TTC28: variants seen among roughly 807,000 people sequenced by gnomAD.
TTC28 encodes tetratricopeptide repeat domain 28.
Under a neutral mutation model 198.0 loss-of-function variants are expected in TTC28, and 61 were observed. The observed-to-expected ratio is 0.31, with a 90% CI of 0.25 to 0.38. The LOEUF is 0.38. TTC28 is among the 10% of genes least tolerant of loss of function. The pLI is 1.00. For synonymous variants in TTC28, 1,171 were observed against 1,297.8 expected (o/e 0.90, Z 2.10); for missense variants, 2,678 against 3,164.0 (o/e 0.85, Z 3.69).
At chr22:28,270,996 C>T (rs1193373495) in intron 5 of TTC28, among the ~76,000 whole-genome samples, 1 of 152,116 alleles carries the variant, frequency 6.6e-6, no homozygotes, top group Non-Finnish European at 1.5e-5. Flanking sequence ...TTTACAAATA[C>T]GTTTATCTCT....
chr22:28,318,177 T>G (rs771007075), intron 2 of TTC28, among the ~76,000 whole-genome samples: 21 of 152,006 alleles, frequency 1.4e-4, no homozygotes, highest in Middle Eastern at 3.4e-3. Context: ...CCCACAGTGC[T>G]GAGATGAGAG....
chr22:27,983,202 T>G lies in TTC28; in HGVS notation c.6465A>C (p.Pro2155=), dbSNP rs1039650020. The part of the protein sequence containing the change: ...STVKSQEESN[P]KLDPQELAQK... ...GGGCTAACTCTTGTGGATCCAGTTT[T>G]GGGTTGCTTTCTTCTTGGGATTTCA... The change falls in exon 23 of 23, where the codon CCA becomes CCC. Residue 2155 remains proline, a synonymous_variant. Coordinates refer to ENST00000397906, the MANE Select transcript of TTC28 (RefSeq NM_001145418.2). The G allele has an allele frequency of 2.6e-6, 4 of 1,551,746 alleles. No individual in the cohort carries two copies. Among genetic ancestry groups the G allele is most frequent in the African/African-American group, 1.4e-5 (1 of 73,058 alleles).
intron 5 of TTC28, among the ~76,000 whole-genome samples, chr22:28,231,133 G>C (rs576015828): frequency 6.6e-6 from 1 of 152,088 alleles, no homozygotes; most frequent in Non-Finnish European, 1.5e-5. Context: ...TATCTAGCAC[G>C]TATAGGTACT....
chr22:28,507,725 T>C (rs1202095627), intron 2 of TTC28, among the ~76,000 whole-genome samples: 2 of 152,168 alleles, frequency 1.3e-5, no homozygotes, highest in Non-Finnish European at 2.9e-5. Flanking sequence ...GTAAACCCTA[T>C]AAGCCAGAAG....
At chr22:28,531,513 T>C (rs1246642104) in intron 2 of TTC28, among the ~76,000 whole-genome samples, 2 of 152,040 alleles carry the variant, frequency 1.3e-5, no homozygotes, top group African/African-American at 4.8e-5. Context: ...GACAGAAAGT[T>C]AAAAAGGACA....
rs550705636 is a variant in TTC28 at position 28,678,825 on chromosome 22, C to A, written c.102+797G>T. Among the ~76,000 whole-genome samples, 323 of 152,276 alleles carry A rather than the reference C, an allele frequency of 2.1e-3. 2 individuals are homozygous for A. The highest frequency in any genetic ancestry group is 7.3e-3 in the African/African-American group (304 of 41,554). On this transcript the variant is annotated intron_variant, in intron 1 of 22. Coordinates refer to ENST00000397906, the MANE Select transcript of TTC28 (RefSeq NM_001145418.2). Reference sequence around the variant, plus strand: ...AAAACCGGCTCCTGCTTGCAGGAAGCCTACTCTCTAAAACAGTGCTTGCCA... The same window carrying A: ...AAAACCGGCTCCTGCTTGCAGGAAGACTACTCTCTAAAACAGTGCTTGCCA...
At chr22:28,149,562 C>T (rs550837111) in intron 6 of TTC28, among the ~76,000 whole-genome samples, 20 of 152,268 alleles carry the variant, frequency 1.3e-4, no homozygotes, top group Admixed American at 1.2e-3. Flanking sequence ...TTGTTAAAAA[C>T]TTAAGACATG....
At chr22:28,380,874 G>A (rs543764559) in intron 2 of TTC28, among the ~76,000 whole-genome samples, 5 of 152,152 alleles carry the variant, frequency 3.3e-5, no homozygotes, top group African/African-American at 1.2e-4. Flanking sequence ...CTTCCACTAT[G>A]TCACTGGAAA....
At chr22:28,403,084 T>C (rs1163862408) in intron 2 of TTC28, among the ~76,000 whole-genome samples, 1 of 152,200 alleles carries the variant, frequency 6.6e-6, no homozygotes, top group Non-Finnish European at 1.5e-5. Flanking sequence ...TGTGCTTTTG[T>C]ATCTCCTTAC....
chr22:28,001,663 GGCCT>G, intron 14 of TTC28, 110 bp from the exon 15 acceptor site: 2 of 1,293,512 alleles, frequency 1.5e-6, no homozygotes, highest in Non-Finnish European at 2.1e-6. Flanking sequence ...GAGCAGGTGA[GGCCT>G]GTGGGGGTGT....
chr22:28,325,933 T>C (rs562739530), intron 2 of TTC28, among the ~76,000 whole-genome samples: 2 of 152,096 alleles, frequency 1.3e-5, no homozygotes, highest in East Asian at 1.9e-4. Context: ...GGCAGTTTCT[T>C]GTAAAGTGAA....
intron 12 of TTC28, among the ~76,000 whole-genome samples, chr22:28,075,421 G>A (rs5997329): frequency 1.1e-3 from 174 of 152,152 alleles, no homozygotes; most frequent in African/African-American, 3.9e-3. Context: ...GAGCCTGAGT[G>A]AGTCACTTCA....
At chr22:28,217,065 G>A (rs1419280346) in intron 5 of TTC28, among the ~76,000 whole-genome samples, 5 of 152,068 alleles carry the variant, frequency 3.3e-5, no homozygotes, top group Non-Finnish European at 5.9e-5. Flanking sequence ...TAGCTTCAGT[G>A]TGGAGAAAAT....
At chr22:28,357,505 C>T (rs902975807) in intron 2 of TTC28, among the ~76,000 whole-genome samples, 3 of 151,770 alleles carry the variant, frequency 2.0e-5, no homozygotes, top group Non-Finnish European at 2.9e-5. Flanking sequence ...GAGACAAGGT[C>T]TCACTATGTT....
intron 2 of TTC28, among the ~76,000 whole-genome samples, chr22:28,482,634 C>T (rs1031601617): frequency 6.6e-6 from 1 of 152,178 alleles, no homozygotes; most frequent in African/African-American, 2.4e-5. Flanking sequence ...AGTTAGTACA[C>T]TGTGCAATGC....
chr22:28,112,578 C>A (rs1366460235), intron 6 of TTC28, among the ~76,000 whole-genome samples: 1 of 152,184 alleles, frequency 6.6e-6, no homozygotes, highest in African/African-American at 2.4e-5. Flanking sequence ...TCTCTACTGT[C>A]CCAGCCACTG....
intron 12 of TTC28, among the ~76,000 whole-genome samples, chr22:28,056,935 T>C (rs1940314818): frequency 6.6e-6 from 1 of 152,200 alleles, no homozygotes; most frequent in Non-Finnish European, 1.5e-5. Context: ...TAACAAAGTA[T>C]TTTTCGGATT....
intron 2 of TTC28, among the ~76,000 whole-genome samples, chr22:28,422,768 C>T (rs2047281058): frequency 6.6e-6 from 1 of 151,950 alleles, no homozygotes; most frequent in Non-Finnish European, 1.5e-5. Flanking sequence ...TTTATTCATA[C>T]CTCTATAAGA....
At chr22:28,307,585 T>C (rs1351503376) in intron 2 of TTC28, among the ~76,000 whole-genome samples, 1 of 152,148 alleles carries the variant, frequency 6.6e-6, no homozygotes, top group Non-Finnish European at 1.5e-5. Flanking sequence ...GCCTGCAGTT[T>C]GTTTTCAACT....
Sources: gnomAD v4.1 joint callset for allele counts (sites outside exome capture counted in the v4.1 genomes callset) on GRCh38, gnomAD v4.1.1 for gene constraint, MANE v1.5 for transcripts, NCBI Gene and HGNC (gene_info 2026-07-23, HGNC 2026-07-21) for gene names.